Variants in AHNAK observed in about 807,000 individuals in gnomAD.
The protein encoded by AHNAK is AHNAK nucleoprotein.
A neutral mutation model predicts 37.8 loss-of-function variants in AHNAK; 23 were observed. The observed-to-expected ratio is 0.61, with a 90% confidence interval of 0.44 to 0.86. AHNAK has a LOEUF of 0.86. Ranked by LOEUF, AHNAK falls within the 40% of genes least tolerant of loss-of-function variation. The probability of loss-of-function intolerance (pLI) is 0.00; values close to 1 mark genes in which losing one functional copy is unlikely to be tolerated. For missense variants in AHNAK, 7,411 were observed against 7,319.4 expected (o/e 1.01, Z -0.46); for synonymous variants, 2,481 against 2,636.3 (o/e 0.94, Z 1.80).
Position 62,532,489 on chromosome 11 carries a change from C to T in AHNAK, c.1928G>A (p.Gly643Glu), listed in dbSNP as rs759284620. The change falls in exon 5 of 5, where the codon GGG becomes GAG. Residue 643 changes from glycine (G) to glutamate (E), a missense_variant. Transcript: ENST00000378024. ...MPTFSTPGAKGEGPDVHMTLP... is the reference protein window; with the variant it reads ...MPTFSTPGAKEEGPDVHMTLP... Reference sequence around the variant, plus strand: ...AGTCATATGAACATCTGGACCTTCCCCTTTGGCTCCTGGAGTGCTGAACGT... The same window carrying T: ...AGTCATATGAACATCTGGACCTTCCTCTTTGGCTCCTGGAGTGCTGAACGT... The T allele has an allele frequency of 3.7e-6, 6 of 1,613,410 alleles. No individual in the cohort carries two copies. Among genetic ancestry groups the T allele is most frequent in the Admixed American group, 3.3e-5 (2 of 59,946 alleles).
rs756162683 is a variant in AHNAK at position 62,534,992 on chromosome 11, G to A, written c.342+11C>T. On this transcript the variant is annotated intron_variant, in intron 4 of 4. Transcript: ENST00000378024. Reference sequence around the variant, plus strand: ...GAGCTCAGGGCACAGATGGGCCGGCGAGGTACTCACCAGAACCACTTCAGA... The same window carrying A: ...GAGCTCAGGGCACAGATGGGCCGGCAAGGTACTCACCAGAACCACTTCAGA... The A allele has an allele frequency of 2.6e-5, 41 of 1,596,876 alleles. No homozygotes were observed. Among genetic ancestry groups the A allele is most frequent in the Middle Eastern group, 1.9e-4 (1 of 5,158 alleles).
chr11:62,455,077 C>T (rs116546755), intron 5 of AHNAK, among the ~76,000 whole-genome samples: 1 of 151,728 alleles, frequency 6.6e-6, no homozygotes, highest in African/African-American at 2.4e-5. Context: ...GGATTACAGA[C>T]GTACGCCACC....
chr11:62,455,537 C>A (rs1938637719), intron 5 of AHNAK, among the ~76,000 whole-genome samples: 1 of 152,022 alleles, frequency 6.6e-6, no homozygotes, highest in Admixed American at 6.6e-5. Context: ...GAAACCCTGT[C>A]TCTACTAAAA....
At position 62,531,935 on chromosome 11, in the gene AHNAK, T is replaced by G. The variant is rs757639618; in HGVS notation, c.2482A>C (p.Lys828Gln). Residue 828 changes from lysine to glutamine, a missense_variant, in exon 5 of 5, where the codon AAA becomes CAA. By Grantham distance (53) the Lys-to-Gln change is moderately conservative. Coordinates refer to ENST00000378024, the MANE Select transcript of AHNAK (RefSeq NM_001620.3). ...ISMPDVDLHL[K>Q]GPNVKGEYDV... ...TATTCTCCCTTTACGTTAGGGCCTT[T>G]CAGATGTAAGTCCACATCAGGCATG... The G allele has an allele frequency of 6.2e-7, 1 of 1,614,046 alleles. No homozygotes were observed. Among genetic ancestry groups the G allele is most frequent in the Non-Finnish European group, 8.5e-7 (1 of 1,180,014 alleles).
Position 62,528,120 on chromosome 11 carries a change from C to A in AHNAK, c.6297G>T (p.Lys2099Asn), listed in dbSNP as rs778649396. ...PDVSLEGPEG[K>N]LKGPKLKMPE... ...GCATCTTAAGCTTGGGGCCCTTCAG[C>A]TTCCCTTCTGGACCTTCAAGGCTCA... Residue 2099 changes from lysine to asparagine, a missense_variant, in exon 5 of 5, where the codon AAG becomes AAT. Physicochemically the swap from Lys to Asn is moderately conservative, Grantham distance 94. Coordinates refer to ENST00000378024, the MANE Select transcript of AHNAK (RefSeq NM_001620.3). The A allele has an allele frequency of 1.9e-5, 31 of 1,612,396 alleles. No individual in the cohort carries two copies. The highest frequency in any genetic ancestry group is 2.6e-5 in the Non-Finnish European group (31 of 1,179,596).
At chr11:62,497,719 G>A (rs192505914) in intron 4 of AHNAK, among the ~76,000 whole-genome samples, 12 of 152,132 alleles carry the variant, frequency 7.9e-5, no homozygotes, top group African/African-American at 2.4e-4. Context: ...CCAGCACTTC[G>A]GGAGGCTGAG....
At chr11:62,475,825 G>A (rs1372918873) in intron 5 of AHNAK, among the ~76,000 whole-genome samples, 4 of 151,542 alleles carry the variant, frequency 2.6e-5, no homozygotes, top group Non-Finnish European at 4.4e-5. Context: ...GGCTCGTCTC[G>A]AGCTCCTGAC....
intron 5 of AHNAK, among the ~76,000 whole-genome samples, chr11:62,478,914 C>T (rs773727604): frequency 2.0e-5 from 3 of 152,014 alleles, no homozygotes; most frequent in Non-Finnish European, 4.4e-5. Context: ...CTTGCTCTGT[C>T]TCCCAGGCTG....
rs560490964 is a variant in AHNAK at position 62,524,467 on chromosome 11, T to G, written c.9950A>C (p.Lys3317Thr). The G allele has an allele frequency of 1.9e-6, 3 of 1,614,060 alleles. No homozygotes were observed. In the East Asian group the frequency reaches 6.7e-5, roughly 36 times the overall value. ...LKGDVDVSGP[K>T]LEGDIKAPSL... ...GGGAGCTTTAATGTCACCTTCCAAC[T>G]TGGGCCCAGAGACATCAACATCTCC... The change falls in exon 5 of 5, where the codon AAG (lysine) becomes ACG (threonine). Residue 3317 changes from lysine to threonine, a missense_variant. By Grantham distance (78) the Lys-to-Thr change is moderately conservative. Coordinates refer to ENST00000378024, the MANE Select transcript of AHNAK (RefSeq NM_001620.3).
chr11:62,473,423 C>T (rs1255935206), intron 5 of AHNAK, among the ~76,000 whole-genome samples: 1 of 134,926 alleles, frequency 7.4e-6, no homozygotes, highest in East Asian at 2.2e-4. Context: ...AGGCTGGGTG[C>T]GGTGGCTCAC....
chr11:62,488,118 C>T (rs1159076450), intron 5 of AHNAK, among the ~76,000 whole-genome samples: 1 of 152,200 alleles, frequency 6.6e-6, no homozygotes, highest in African/African-American at 2.4e-5. Context: ...AATTCTGCCA[C>T]CTTCCGTGCC....
chr11:62,501,870 T>C (rs1232763242), intron 4 of AHNAK, among the ~76,000 whole-genome samples: 1 of 152,094 alleles, frequency 6.6e-6, no homozygotes, highest in African/African-American at 2.4e-5. Context: ...TTGCTGCAGG[T>C]GGGAAACACA....
chr11:62,437,780 C>G (rs964999655), intron 5 of AHNAK, among the ~76,000 whole-genome samples: 1 of 152,222 alleles, frequency 6.6e-6, no homozygotes, highest in African/African-American at 2.4e-5. Context: ...ACACTCCCCA[C>G]AGCAATATGC....
At chr11:62,476,149 C>T (rs1163399535) in intron 5 of AHNAK, among the ~76,000 whole-genome samples, 3 of 152,084 alleles carry the variant, frequency 2.0e-5, no homozygotes, top group Non-Finnish European at 2.9e-5. Flanking sequence ...TCTGGCCGGA[C>T]GGCTGAGGCA....
intron 5 of AHNAK, among the ~76,000 whole-genome samples, chr11:62,450,944 G>A (rs1014975447): frequency 3.3e-5 from 5 of 152,210 alleles, no homozygotes; most frequent in Non-Finnish European, 4.4e-5. Flanking sequence ...GGTGGCTCAC[G>A]CCTGTAATCG....
chr11:62,453,894 G>A (rs1565199145), intron 5 of AHNAK, among the ~76,000 whole-genome samples: 1 of 152,180 alleles, frequency 6.6e-6, no homozygotes, highest in African/African-American at 2.4e-5. Context: ...GGTCGAGGCA[G>A]GCGGATCACA....
At chr11:62,462,960 G>A (rs557007782) in intron 5 of AHNAK, among the ~76,000 whole-genome samples, 53 of 151,726 alleles carry the variant, frequency 3.5e-4, no homozygotes, top group Admixed American at 7.2e-4. Flanking sequence ...GAGAAACCCC[G>A]TCTCTACTAA....
intron 4 of AHNAK, among the ~76,000 whole-genome samples, chr11:62,504,957 C>T (rs1464233652): frequency 1.3e-5 from 2 of 152,190 alleles, no homozygotes; most frequent in East Asian, 3.8e-4. Flanking sequence ...TCTAAAAGCT[C>T]TCTTTTTAAA....
Position 62,517,191 on chromosome 11 carries a change from G to T in AHNAK, c.17226C>A (p.Asp5742Glu), listed in dbSNP as rs757802290. Residue 5742 changes from aspartate (D) to glutamate (E), a missense_variant, in exon 5 of 5, where the codon GAC (aspartate) becomes GAA (glutamate). Transcript: ENST00000378024. ...CCAGGCTGGCCTTTGAACTTTTCAG[G>T]TCACCTTTGGACCCAGAAATTGATG... ...PEASISGSKG[D>E]LKSSKASLGS... 1.2e-6 allele frequency: 2 copies of T among 1,613,964 alleles called. No homozygotes were observed. The highest frequency in any genetic ancestry group is 2.2e-5 in the South Asian group (2 of 91,078).
Sources: gnomAD v4.1 joint callset for allele counts (sites outside exome capture counted in the v4.1 genomes callset) on GRCh38, gnomAD v4.1.1 for gene constraint, MANE v1.5 for transcripts, NCBI Gene and HGNC (gene_info 2026-07-23, HGNC 2026-07-21) for gene names.